INPP4B: variants seen among roughly 807,000 people sequenced by gnomAD.
The protein encoded by INPP4B is inositol polyphosphate-4-phosphatase type II B.
A neutral mutation model predicts 122.5 loss-of-function variants in INPP4B; 55 were observed. The observed-to-expected ratio is 0.45, with a 90% CI of 0.36 to 0.56. The LOEUF is 0.56. Ranked by LOEUF, INPP4B falls within the 20% of genes least tolerant of loss-of-function variation. The pLI is 0.00. For synonymous variants in INPP4B, 403 were observed against 388.7 expected (o/e 1.04, Z -0.43); for missense variants, 1,000 against 1,097.7 (o/e 0.91, Z 1.26).
intron 2 of INPP4B, among the ~76,000 whole-genome samples, chr4:142,644,205 A>G (rs529113907): frequency 1.3e-5 from 2 of 151,162 alleles, no homozygotes; most frequent in East Asian, 3.9e-4. Flanking sequence ...GTCTCAAAAA[A>G]AAAATAAAAT....
chr4:142,668,670 AT>A (rs1756505353), intron 2 of INPP4B, among the ~76,000 whole-genome samples: 1 of 152,208 alleles, frequency 6.6e-6, no homozygotes, highest in African/African-American at 2.4e-5. Flanking sequence ...CAAAATCTAC[AT>A]ACAAAAATTA....
At chr4:142,845,632 T>C (rs1784088052) in intron 1 of INPP4B, among the ~76,000 whole-genome samples, 1 of 152,156 alleles carries the variant, frequency 6.6e-6, no homozygotes, top group African/African-American at 2.4e-5. Context: ...ATGGGCTCTT[T>C]ATTTTTAAAA....
At chr4:142,124,802 A>T in intron 18 of INPP4B, 42 bp from the exon 19 acceptor site, 1 of 1,387,274 alleles carries the variant, frequency 7.2e-7, no homozygotes, top group South Asian at 1.7e-5. Flanking sequence ...AGATGAAGGA[A>T]GGTCTTGGAA....
intron 2 of INPP4B, among the ~76,000 whole-genome samples, chr4:142,546,569 G>T (rs1320572470): frequency 6.6e-6 from 1 of 152,196 alleles, no homozygotes; most frequent in South Asian, 2.1e-4. Flanking sequence ...CCACTAATAA[G>T]TTAGGAGAAT....
chr4:142,249,872 T>A (rs1731077915), intron 11 of INPP4B, among the ~76,000 whole-genome samples: 1 of 152,164 alleles, frequency 6.6e-6, no homozygotes, highest in Non-Finnish European at 1.5e-5. Flanking sequence ...CCATCTCCCC[T>A]TCTATACAGT....
intron 2 of INPP4B, among the ~76,000 whole-genome samples, chr4:142,486,479 T>C (rs1347838297): frequency 6.6e-6 from 1 of 152,156 alleles, no homozygotes; most frequent in African/African-American, 2.4e-5. Context: ...TATTGTGGGA[T>C]AGGAGTCACT....
chr4:142,219,057 C>G (rs911650339), intron 12 of INPP4B, among the ~76,000 whole-genome samples: 2 of 152,118 alleles, frequency 1.3e-5, no homozygotes, highest in Non-Finnish European at 2.9e-5. Context: ...AAAATACATT[C>G]TTATAAATGA....
chr4:142,614,171 G>A (rs540948798), intron 2 of INPP4B, among the ~76,000 whole-genome samples: 9 of 152,112 alleles, frequency 5.9e-5, no homozygotes, highest in African/African-American at 1.7e-4. Context: ...TGCAGTAGGC[G>A]AAGGCCACTG....
At chr4:142,257,231 A>G (rs1053883337) in intron 11 of INPP4B, among the ~76,000 whole-genome samples, 9 of 152,228 alleles carry the variant, frequency 5.9e-5, no homozygotes, top group Admixed American at 5.9e-4. Context: ...TATCTGTGAC[A>G]AACCCACAGC....
intron 9 of INPP4B, chr4:142,287,030 T>C (rs886109491): frequency 5.3e-5 from 8 of 152,134 alleles, no homozygotes; most frequent in African/African-American, 1.9e-4. Context: ...TTCTTAGGCT[T>C]CTTCTCATAG....
chr4:142,785,368 G>A (rs955572418), intron 1 of INPP4B, among the ~76,000 whole-genome samples: 7 of 151,850 alleles, frequency 4.6e-5, no homozygotes, highest in African/African-American at 1.7e-4. Flanking sequence ...AGATAAAACA[G>A]TTTAGAATTA....
At chr4:142,763,644 A>G (rs560308442) in intron 1 of INPP4B, among the ~76,000 whole-genome samples, 16 of 152,254 alleles carry the variant, frequency 1.1e-4, no homozygotes, top group African/African-American at 3.8e-4. Context: ...GCTTTTCTAA[A>G]GAACAAATAA....
intron 9 of INPP4B, among the ~76,000 whole-genome samples, chr4:142,304,861 T>G (rs1476579286): frequency 2.0e-5 from 3 of 152,200 alleles, no homozygotes; most frequent in Non-Finnish European, 4.4e-5. Context: ...ATTTATTTTA[T>G]TTAACGCTCT....
intron 1 of INPP4B, among the ~76,000 whole-genome samples, chr4:142,831,981 C>A (rs1323217875): frequency 6.6e-6 from 1 of 152,082 alleles, no homozygotes; most frequent in Non-Finnish European, 1.5e-5. Flanking sequence ...GTAAACAAAC[C>A]CTTCCTAAAA....
intron 2 of INPP4B, among the ~76,000 whole-genome samples, chr4:142,600,013 G>A (rs530412061): frequency 6.6e-6 from 1 of 152,182 alleles, no homozygotes; most frequent in African/African-American, 2.4e-5. Context: ...AAGTCCTCAT[G>A]ATATATGAGA....
At chr4:142,427,494 T>C in intron 5 of INPP4B, 1 of 667,344 alleles carries the variant, frequency 1.5e-6, no homozygotes, top group Non-Finnish European at 2.7e-6. Flanking sequence ...ATATAAGTGA[T>C]GATGGTGTTG....
chr4:142,759,846 A>C (rs1341817442), intron 1 of INPP4B, among the ~76,000 whole-genome samples: 1 of 150,720 alleles, frequency 6.6e-6, no homozygotes, highest in Non-Finnish European at 1.5e-5. Context: ...AAAAAAAAAA[A>C]AAAAAAATTT....
chr4:142,746,026 T>C (rs555028616), intron 1 of INPP4B, among the ~76,000 whole-genome samples: 1 of 151,878 alleles, frequency 6.6e-6, no homozygotes, highest in South Asian at 2.1e-4. Flanking sequence ...TAAGAAGAGA[T>C]GAAAAGTCTT....
chr4:142,764,641 G>A (rs1350265748), intron 1 of INPP4B, among the ~76,000 whole-genome samples: 2 of 152,086 alleles, frequency 1.3e-5, no homozygotes, highest in Admixed American at 6.6e-5. Flanking sequence ...TTCTGAGAGA[G>A]GACAATGTCC....
Sources: allele counts gnomAD v4.1 joint callset (sites outside exome capture counted in the v4.1 genomes callset), GRCh38; gene constraint gnomAD v4.1.1; transcripts MANE v1.5; gene names NCBI Gene and HGNC (gene_info 2026-07-23, HGNC 2026-07-21).